The following AHNAK2 variants were observed in gnomAD, a reference collection of about 807,000 sequenced individuals.
AHNAK2 encodes AHNAK nucleoprotein 2.
AHNAK2 carries 18 observed loss-of-function variants against 30.7 expected under a neutral mutation model. The observed-to-expected ratio is 0.59, with a 90% CI of 0.41 to 0.87. AHNAK2 has a LOEUF of 0.87. Among genes scored for constraint, AHNAK2 ranks in the 40% least tolerant of loss-of-function variants. AHNAK2 has a pLI of 0.00. For missense variants in AHNAK2, 8,604 were observed against 7,373.0 expected (o/e 1.17, Z -6.11); for synonymous variants, 3,590 against 3,073.8 (o/e 1.17, Z -5.56).
intron 1 of AHNAK2, among the ~76,000 whole-genome samples, chr14:104,973,326 C>G (rs908783819): frequency 3.3e-5 from 5 of 152,190 alleles, no homozygotes; most frequent in Non-Finnish European, 5.9e-5. Context: ...CTGAGGGCAG[C>G]GGATGGTGAA....
Position 104,950,420 on chromosome 14 carries a change from G to C in AHNAK2, c.5031C>G (p.Ile1677Met), listed in dbSNP as rs11852055. 1,298 of 1,585,422 alleles carry C rather than the reference G, an allele frequency of 8.2e-4. 102 individuals carry two copies. Among genetic ancestry groups the C allele is most frequent in the African/African-American group, 7.7e-3 (556 of 71,766 alleles). ...GCTCAGACACATCCACCGAGGCCTC[G>C]ATGGACTTGCCTGGGGCCGACACCC... is the stretch of plus-strand genomic sequence containing the variant. ...SFGVSAPGKS[I>M]EASVDVSEPK... Residue 1677 changes from isoleucine (I) to methionine (M), a missense_variant, in exon 7 of 7, where the codon ATC becomes ATG. Physicochemically the swap from Ile to Met is conservative, Grantham distance 10 (BLOSUM62 1). Coordinates refer to ENST00000333244, the MANE Select transcript of AHNAK2 (RefSeq NM_138420.4).
intron 1 of AHNAK2, among the ~76,000 whole-genome samples, chr14:104,964,265 G>T (rs1346898455): frequency 6.6e-6 from 1 of 152,200 alleles, no homozygotes; most frequent in Non-Finnish European, 1.5e-5. Flanking sequence ...AGTCATCTGG[G>T]CAATGCTAAC....
chr14:104,973,759 T>C (rs756240539), intron 1 of AHNAK2, among the ~76,000 whole-genome samples: 1 of 152,122 alleles, frequency 6.6e-6, no homozygotes, highest in Non-Finnish European at 1.5e-5. Context: ...CCGCCACCCC[T>C]GCAGGAAGGA....
At position 104,942,218 on chromosome 14, in the gene AHNAK2, T is replaced by G. The variant is rs758321547; in HGVS notation, c.13233A>C (p.Lys4411Asn). 1.2e-6 allele frequency: 2 copies of G among 1,613,086 alleles called. No individual in the cohort carries two copies. The highest frequency in any genetic ancestry group is 1.7e-6 in the Non-Finnish European group (2 of 1,179,748). Reference protein sequence around the residue: ...IDVNVPKLDLKGPKVEVTSPN... With the variant: ...IDVNVPKLDLNGPKVEVTSPN... ...GGGACGTCACCTCCACCTTGGGGCC[T>G]TTCAGGTCCAGCTTGGGGACATTAA... The change falls in exon 7 of 7, where the codon AAA becomes AAC. Residue 4411 changes from lysine (K) to asparagine (N), a missense_variant. Lys to Asn is a moderately conservative substitution (Grantham distance 94, BLOSUM62 0). Transcript: ENST00000333244.
chr14:104,947,595 T>A lies in AHNAK2; in HGVS notation c.7856A>T (p.Gln2619Leu). ...MSLSSMEVDV[Q>L]APRAKLDGAR... ...ACCATCCAGCTTTGCTCTCGGGGCC[T>A]GGACGTCCACCTCCATGCTGGACAG... The change falls in exon 7 of 7, where the codon CAG (glutamine) becomes CTG (leucine). Residue 2619 changes from glutamine to leucine, a missense_variant. Physicochemically the swap from Gln to Leu is moderately radical, Grantham distance 113. Transcript: ENST00000333244. 1 of 1,612,978 alleles carries A rather than the reference T, an allele frequency of 6.2e-7. No individual in the cohort carries two copies. Among genetic ancestry groups the A allele is most frequent in the African/African-American group, 1.3e-5 (1 of 74,626 alleles).
Position 104,945,385 on chromosome 14 carries a change from G to C in AHNAK2, c.10066C>G (p.Leu3356Val), listed in dbSNP as rs772328450. The change falls in exon 7 of 7, where the codon CTC (leucine) becomes GTC (valine). Residue 3356 changes from leucine (L) to valine (V), a missense_variant. Coordinates refer to ENST00000333244, the MANE Select transcript of AHNAK2 (RefSeq NM_138420.4). ...TCCACAGAAGGGAGCTGAATGCTGA[G>C]GTCAGTGGTCTTGAGGTCCCCCTGC... is the stretch of plus-strand genomic sequence containing the variant. ...SMQGDLKTTD[L>V]SIQLPSVDLE... The C allele has an allele frequency of 1.6e-4, 255 of 1,612,614 alleles. 2 individuals are homozygous for C. The South Asian group carries it at 2.4e-3, about 15-fold the overall frequency.
intron 5 of AHNAK2, 62 bp downstream of exon 5, chr14:104,955,421 T>A: frequency 6.5e-7 from 1 of 1,550,288 alleles, no homozygotes; most frequent in Non-Finnish European, 8.7e-7. Flanking sequence ...AATACCCCCC[T>A]CCAGGTCCCT....
chr14:104,953,933 C>T lies in AHNAK2; in HGVS notation c.1518G>A (p.Arg506=), dbSNP rs770130228. The T allele has an allele frequency of 1.2e-6, 2 of 1,613,962 alleles. No homozygotes were observed. Among genetic ancestry groups the T allele is most frequent in the South Asian group, 1.1e-5 (1 of 91,080 alleles). ...FSTEKEPERE[R]RLSTPQRGKR... is the part of the protein sequence containing the mutation. Reference sequence around the variant, plus strand: ...TCCCTCGCTGTGGGGTACTAAGGCGCCTTTCTCTTTCTGGCTCTTTTTCTG... The same window carrying T: ...TCCCTCGCTGTGGGGTACTAAGGCGTCTTTCTCTTTCTGGCTCTTTTTCTG... Residue 506 remains arginine, a synonymous_variant, in exon 7 of 7, where the codon AGG becomes AGA. Transcript: ENST00000333244.
chr14:104,947,930 A>G lies in AHNAK2; in HGVS notation c.7521T>C (p.Asp2507=), dbSNP rs1898389227. ...CGGCCTCCACCTTCGGCGCAGACAC[A>G]TCCACCGAGGCCTCGATGGACTTGC... ...APGKSIEASV[D]VSAPKVEADG... The change falls in exon 7 of 7, where the codon GAT becomes GAC. Residue 2507 remains aspartate (D), a synonymous_variant. Transcript: ENST00000333244. 7 of 1,612,232 alleles carry G rather than the reference A, an allele frequency of 4.3e-6. No individual in the cohort carries two copies. In the African/African-American group the frequency reaches 5.4e-5, roughly 12 times the overall value.
At position 104,950,744 on chromosome 14, in the gene AHNAK2, T is replaced by A. The variant is rs564761706; in HGVS notation, c.4707A>T (p.Gly1569=). The part of the protein sequence containing the change: ...VKLPEGPVSE[G]AGLKGHLPKV... ...TGGGCAGGTGCCCTTTGAGGCCGGC[T>A]CCCTCGGACACAGGGCCCTCTGGGA... Residue 1569 remains glycine, a synonymous_variant, in exon 7 of 7, where the codon GGA becomes GGT. Transcript: ENST00000333244. The A allele has an allele frequency of 1.3e-6, 2 of 1,587,374 alleles. No homozygotes were observed. The highest frequency in any genetic ancestry group is 3.5e-5 in the Admixed American group (2 of 57,480).
At chr14:104,973,444 A>G (rs997297857) in intron 1 of AHNAK2, among the ~76,000 whole-genome samples, 1 of 152,172 alleles carries the variant, frequency 6.6e-6, no homozygotes, top group Admixed American at 6.5e-5. Flanking sequence ...AAGCAGCAGG[A>G]GCAGGGCGAG....
In AHNAK2 at chr14:104,938,866, G is replaced by A. The variant is rs1002952394; in HGVS notation, c.16585C>T (p.His5529Tyr). The A allele has an allele frequency of 6.2e-7, 1 of 1,613,802 alleles. No homozygotes were observed. Among genetic ancestry groups the A allele is most frequent in the Non-Finnish European group, 8.5e-7 (1 of 1,179,868 alleles). The change falls in exon 7 of 7, where the codon CAC becomes TAC. Residue 5529 changes from histidine to tyrosine, a missense_variant. His to Tyr is a moderately conservative substitution (Grantham distance 83, BLOSUM62 2). Coordinates refer to ENST00000333244, the MANE Select transcript of AHNAK2 (RefSeq NM_138420.4). ...SLLKVKIPEP[H>Y]TQARVYTTMT... ...GTTGTGTACACTCTAGCCTGCGTGT[G>A]GGGCTCTGGGATTTTCACTTTTAAT...
chr14:104,940,654 C>T lies in AHNAK2; in HGVS notation c.14797G>A (p.Val4933Ile). 1 of 1,613,528 alleles carries T rather than the reference C, an allele frequency of 6.2e-7. No homozygotes were observed. The highest frequency in any genetic ancestry group is 8.5e-7 in the Non-Finnish European group (1 of 1,179,884). Reference protein sequence around the residue: ...EELVASLQTSVVAPGEAPSED... With the variant: ...EELVASLQTSIVAPGEAPSED... ...GAAGGGGCTTCTCCAGGGGCCACTA[C>T]TGATGTCTGCAAGGAGGCCACAAGC... The change falls in exon 7 of 7, where the codon GTA (valine) becomes ATA (isoleucine). Residue 4933 changes from valine (V) to isoleucine (I), a missense_variant. By Grantham distance (29) the Val-to-Ile change is conservative (BLOSUM62 3). Coordinates refer to ENST00000333244, the MANE Select transcript of AHNAK2 (RefSeq NM_138420.4). This position sits in a 1 kb window ranked among gnomAD's most constrained non-coding sequence, Gnocchi z 4.4.
At chr14:104,963,973 T>C (rs1212875790) in intron 1 of AHNAK2, among the ~76,000 whole-genome samples, 2 of 151,696 alleles carry the variant, frequency 1.3e-5, no homozygotes, top group African/African-American at 4.9e-5. Context: ...AAATTAAAAA[T>C]AGAACTACCA....
chr14:104,947,840 G>A lies in AHNAK2; in HGVS notation c.7611C>T (p.Ser2537=), dbSNP rs368398841. 1.9e-4 allele frequency: 310 copies of A among 1,611,744 alleles called. 3 individuals carry two copies. The highest frequency in any genetic ancestry group is 9.3e-4 in the African/African-American group (69 of 74,320). Residue 2537 remains serine (S), a synonymous_variant, in exon 7 of 7, where the codon TCC becomes TCT. Transcript: ENST00000333244. ...KATDLSIQPP[S]ADLEVQAGQV... is the part of the protein sequence containing the mutation. Reference sequence around the variant, plus strand: ...GGCCAGCCTGGACCTCCAGGTCAGCGGAAGGGGGCTGAATGCTGAGGTCAG... The same window carrying A: ...GGCCAGCCTGGACCTCCAGGTCAGCAGAAGGGGGCTGAATGCTGAGGTCAG...
intron 1 of AHNAK2, among the ~76,000 whole-genome samples, chr14:104,967,077 T>A (rs1462082048): frequency 6.6e-6 from 1 of 152,148 alleles, no homozygotes; most frequent in Admixed American, 6.5e-5. Context: ...CAGGTGCAGC[T>A]GGGGTCATGA....
chr14:104,970,721 C>T (rs906862059), intron 1 of AHNAK2, among the ~76,000 whole-genome samples: 1 of 152,030 alleles, frequency 6.6e-6, no homozygotes, highest in Non-Finnish European at 1.5e-5. Flanking sequence ...TGAGTGCCCA[C>T]CCCCAGCCTG....
chr14:104,957,598 T>C lies in AHNAK2; in HGVS notation c.114+16A>G. 1 of 1,609,112 alleles carries C rather than the reference T, an allele frequency of 6.2e-7. No homozygotes were observed. The highest frequency in any genetic ancestry group is 8.5e-7 in the Non-Finnish European group (1 of 1,178,144). ...CAGGGTATGAGGAGGACACACTTCC[T>C]CCTGCTCTCACTTACAGAGTGGTCA... On this transcript the variant is annotated intron_variant, in intron 2 of 6. Transcript: ENST00000333244.
Position 104,939,796 on chromosome 14 carries a change from G to A in AHNAK2, c.15655C>T (p.Gln5219Ter), listed in dbSNP as rs954050928. ...GAGKLEVAQT[Q>*]APAATGGEAA... ...TCACCCCCTGTTGCTGCCGGTGCCT[G>A]TGTCTGAGCCACTTCCAGCTTTCCA... is the stretch of plus-strand genomic sequence containing the variant. Residue 5219 changes from glutamine to a stop codon, truncating the protein, a stop_gained, in exon 7 of 7, where the codon CAG becomes TAG. Coordinates refer to ENST00000333244, the MANE Select transcript of AHNAK2 (RefSeq NM_138420.4). LOFTEE classifies it low-confidence loss of function (END_TRUNC). The A allele has an allele frequency of 1.9e-6, 3 of 1,613,574 alleles. No homozygotes were observed. Among genetic ancestry groups the A allele is most frequent in the African/African-American group, 2.7e-5 (2 of 74,934 alleles).
Sources: allele counts gnomAD v4.1 joint callset (sites outside exome capture counted in the v4.1 genomes callset), GRCh38; gene constraint gnomAD v4.1.1; non-coding constraint Gnocchi (gnomAD v3.1); transcripts MANE v1.5; gene names NCBI Gene and HGNC (gene_info 2026-07-23, HGNC 2026-07-21).